The following SYCE1 variants were observed in gnomAD, a reference collection of about 807,000 sequenced individuals.
The protein encoded by SYCE1 is synaptonemal complex central element protein 1, also known as cancer/testis antigen 76.
In SYCE1, 37 loss-of-function variants were observed where a neutral mutation model predicts 55.1. The ratio of observed to expected loss-of-function variants is 0.67; its 90% CI spans 0.52 to 0.88. The LOEUF (loss-of-function observed/expected upper bound fraction) is 0.88. SYCE1 is among the 40% of genes least tolerant of loss of function. The pLI, the probability that SYCE1 is intolerant of heterozygous loss-of-function variation, is 0.00. For synonymous variants in SYCE1, 163 were observed against 159.4 expected (o/e 1.02, Z -0.17); for missense variants, 399 against 416.4 (o/e 0.96, Z 0.36).
chr10:133,563,634 G>A (rs948349756), intron 1 of SYCE1, among the ~76,000 whole-genome samples: 3 of 151,196 alleles, frequency 2.0e-5, no homozygotes, highest in Admixed American at 1.3e-4. Flanking sequence ...AGGCTGCAGT[G>A]AGCAGTGATT....
chr10:133,556,863 TCAC>T, intron 7 of SYCE1, 41 bp from the exon 8 acceptor site: 1 of 1,604,080 alleles, frequency 6.2e-7, no homozygotes, highest in Non-Finnish European at 8.5e-7. Flanking sequence ...TGGGCTGAAA[TCAC>T]CACCTTCACA....
At chr10:133,554,363 A>G (rs780702393), downstream of SYCE1, 4 of 1,605,000 alleles carry the variant, frequency 2.5e-6, no homozygotes, top group African/African-American at 5.4e-5. Flanking sequence ...TCATTACTTC[A>G]ATGCATTCTG....
At chr10:133,559,059 T>C (rs1564857078) in intron 3 of SYCE1, 108 bp from the exon 4 acceptor site, 6 of 1,218,064 alleles carry the variant, frequency 4.9e-6, no homozygotes, top group East Asian at 4.9e-5. Context: ...CTAGATTTTA[T>C]AGAGTAGGAA....
Position 133,555,058 on chromosome 10 carries a change from G to A in SYCE1, c.990C>T (p.Gly330=). 6.4e-7 allele frequency: 1 copy of A among 1,551,476 alleles called. No homozygotes were observed. ...AHQAGPDVLI[G]QEDTLHPDLS... ...GGTCGGGGTGGAGTGTGTCCTCCTG[G>A]CCTATGAGGACATCAGGCCCTGCTT... The change falls in exon 13 of 13, where the codon GGC becomes GGT. Residue 330 remains glycine (G), a synonymous_variant. Transcript: ENST00000343131.
At chr10:133,556,341 G>C (rs1851682293) in intron 8 of SYCE1, 1 of 551,354 alleles carries the variant, frequency 1.8e-6, no homozygotes. Flanking sequence ...TGGAGGATCA[G>C]GTACCGGTTT....
chr10:133,567,845 A>G (rs1451839938), upstream of SYCE1: 3 of 405,790 alleles, frequency 7.4e-6, no homozygotes, highest in South Asian at 1.9e-5. Context: ...ATCCTGGAGC[A>G]GGTGGGGCAG....
chr10:133,555,777 T>C lies in SYCE1; in HGVS notation c.719+3A>G, dbSNP rs748211135. 8.1e-6 allele frequency: 13 copies of C among 1,612,368 alleles called. No individual in the cohort carries two copies. Among genetic ancestry groups the C allele is most frequent in the South Asian group, 1.1e-5 (1 of 91,024 alleles). ...TCCCACCCTCTTCCCCTCCACATCT[T>C]ACACTGTGGCTGCAGCCTCCTGGCT... On this transcript the variant is annotated splice_donor_region_variant and intron_variant, in intron 10 of 12. Transcript: ENST00000343131.
chr10:133,556,203 T>C, intron 8 of SYCE1, 156 bp from the exon 9 acceptor site: 1 of 777,294 alleles, frequency 1.3e-6, no homozygotes, highest in Non-Finnish European at 2.0e-6. Flanking sequence ...CTCAGGGCCA[T>C]GGCACTGGCC....
intron 6 of SYCE1, chr10:133,557,432 A>G (rs1851713077): frequency 1.9e-6 from 1 of 515,112 alleles, no homozygotes; most frequent in East Asian, 3.5e-5. Context: ...TCAGTGTGCC[A>G]GGGCCTGGGG....
chr10:133,567,723 G>A, upstream of SYCE1: 1 of 238,818 alleles, frequency 4.2e-6, no homozygotes, highest in Non-Finnish European at 8.6e-6. Context: ...GGGGAGCTGG[G>A]GTGGCTTGGG....
intron 4 of SYCE1, chr10:133,558,529 T>C (rs1851744468): frequency 3.7e-6 from 2 of 534,374 alleles, no homozygotes; most frequent in Non-Finnish European, 6.7e-6. Context: ...ATGGGGCATG[T>C]GACCAGATGG....
At position 133,559,292 on chromosome 10, in the gene SYCE1, T is replaced by C. The variant is rs541738587; in HGVS notation, c.196+9A>G. The C allele has an allele frequency of 6.2e-6, 10 of 1,614,128 alleles. No individual in the cohort carries two copies. The South Asian group carries it at 8.8e-5, about 14-fold the overall frequency. On this transcript the variant is annotated intron_variant, in intron 3 of 12. Transcript: ENST00000343131. Reference sequence around the variant, plus strand: ...GGTCCTAGCTGGCAGCCAAGGCCCCTGAACTCACCTTGCTGGACCTCATTA... The same window carrying C: ...GGTCCTAGCTGGCAGCCAAGGCCCCCGAACTCACCTTGCTGGACCTCATTA...
chr10:133,556,971 A>G (rs1217806068), intron 7 of SYCE1, 96 bp downstream of exon 7: 3 of 1,486,724 alleles, frequency 2.0e-6, no homozygotes, highest in East Asian at 2.3e-5. Context: ...TTGAATCTCC[A>G]TGGCTCAGTG....
chr10:133,563,689 CAA>C (rs10659883), intron 1 of SYCE1, among the ~76,000 whole-genome samples: 35 of 142,514 alleles, frequency 2.5e-4, no homozygotes, highest in African/African-American at 6.7e-4. Flanking sequence ...AATCTCGTCT[CAA>C]AAAAAAAAAA....
chr10:133,559,021 A>C, intron 3 of SYCE1, 70 bp from the exon 4 acceptor site: 89 of 1,480,454 alleles, frequency 6.0e-5, no homozygotes, highest in Middle Eastern at 1.8e-4. Context: ...GACATTTCTC[A>C]TTTGCCTTCA....
At position 133,555,415 on chromosome 10, in the gene SYCE1, T is replaced by C; in HGVS notation, c.854A>G (p.His285Arg). ...RQRLKEELEK[H>R]GMQVPAQAQS... ...GGCTTGGGCAGGGACTTGCATTCCATGCTTTTCCAGCTCTTCCTTCAGCCT... is the reference window on the plus strand; with the variant it reads ...GGCTTGGGCAGGGACTTGCATTCCACGCTTTTCCAGCTCTTCCTTCAGCCT... The change falls in exon 12 of 13, where the codon CAT (histidine) becomes CGT (arginine). Residue 285 changes from histidine to arginine, a missense_variant. His to Arg is a conservative substitution (Grantham distance 29, BLOSUM62 0). Transcript: ENST00000343131. 1.2e-6 allele frequency: 2 copies of C among 1,614,082 alleles called. No individual in the cohort carries two copies. Among genetic ancestry groups the C allele is most frequent in the Non-Finnish European group, 1.7e-6 (2 of 1,180,008 alleles).
At chr10:133,566,980 A>T (rs1386116766), upstream of SYCE1, among the ~76,000 whole-genome samples, 1 of 151,362 alleles carries the variant, frequency 6.6e-6, no homozygotes, top group Non-Finnish European at 1.5e-5. Flanking sequence ...TGGTAGGTTT[A>T]GGGGTAGCGT....
chr10:133,567,595 C>T (rs1442113039), upstream of SYCE1, among the ~76,000 whole-genome samples: 4 of 152,016 alleles, frequency 2.6e-5, no homozygotes, highest in Non-Finnish European at 5.9e-5. Context: ...ATTCTTAAGT[C>T]CTTTGGTCCA....
chr10:133,554,839 A>T, downstream of SYCE1: 1 of 1,448,730 alleles, frequency 6.9e-7, no homozygotes, highest in Non-Finnish European at 9.0e-7. Context: ...TGAGCAATCC[A>T]GAGACCAGGA....
Sources: gnomAD v4.1 joint callset for allele counts (sites outside exome capture counted in the v4.1 genomes callset) on GRCh38, gnomAD v4.1.1 for gene constraint, MANE v1.5 for transcripts, NCBI Gene and HGNC (gene_info 2026-07-23, HGNC 2026-07-21) for gene names.